The following PDGFA variants were observed in gnomAD, a reference collection of about 807,000 sequenced individuals.
PDGFA encodes the protein platelet-derived growth factor subunit A.
In PDGFA, 9 loss-of-function variants were observed where a neutral mutation model predicts 25.6. That is an observed-to-expected ratio of 0.35 (90% CI 0.21 to 0.61). The LOEUF (loss-of-function observed/expected upper bound fraction) is 0.61. Among genes scored for constraint, PDGFA ranks in the 20% least tolerant of loss-of-function variants. The pLI is 0.75. For missense variants in PDGFA, 242 were observed against 272.8 expected, an observed-to-expected ratio of 0.89 and a Z score of 0.79; for synonymous variants, 133 against 111.8, an observed-to-expected ratio of 1.19 and a Z score of -1.20.
chr7:510,822 T>C, exon 4 of PDGFA: 3 of 1,563,834 alleles, frequency 1.9e-6, no homozygotes, highest in Non-Finnish European at 2.6e-6. Flanking sequence ...GACGCTGCGG[T>C]GGTGGACGCG....
chr7:510,838 G>C, exon 4 of PDGFA: 1 of 1,606,084 alleles, frequency 6.2e-7, no homozygotes, highest in Non-Finnish European at 8.5e-7. Context: ...ACGCGGGAGG[G>C]CTGGCACTTG....
chr7:506,767 C>A (rs1317185669), intron 4 of PDGFA, among the ~76,000 whole-genome samples: 1 of 152,160 alleles, frequency 6.6e-6, no homozygotes, highest in East Asian at 1.9e-4. Context: ...CAGCTAGGGA[C>A]CCCGGCCAGT....
At chr7:505,943 G>A (rs918563966) in intron 4 of PDGFA, among the ~76,000 whole-genome samples, 9 of 152,302 alleles carry the variant, frequency 5.9e-5, no homozygotes, top group African/African-American at 2.2e-4. Context: ...GGAGGTCGAG[G>A]CGGGCAGATC....
At chr7:520,040 C>G (rs576715989), upstream of PDGFA, 236 of 398,340 alleles carry the variant, frequency 5.9e-4, 2 homozygotes, top group African/African-American at 4.9e-3. Context: ...CGCGCTCGCG[C>G]AAGCAGCTAA....
chr7:518,733 C>T (rs1783222834), intron 1 of PDGFA, among the ~76,000 whole-genome samples: 1 of 152,210 alleles, frequency 6.6e-6, no homozygotes, highest in African/African-American at 2.4e-5. Flanking sequence ...CCGGTCCCCC[C>T]GAGGCAGAGC....
Position 517,454 on chromosome 7 carries a change from C to A in PDGFA, c.100G>T (p.Ala34Ser). ...CGGATGCTGTGGATCTGACTGCGGGCCAGCCTCTCGATCACCTCGCGGGGG... is the reference window on the plus strand; with the variant it reads ...CGGATGCTGTGGATCTGACTGCGGGACAGCCTCTCGATCACCTCGCGGGGG... The change falls in exon 2 of 6, where the codon GCC becomes TCC. Residue 34 changes from alanine (A) to serine (S), a missense_variant. Physicochemically the swap from Ala to Ser is moderately conservative, Grantham distance 99 (BLOSUM62 1). This residue lies in a region of PDGFA where 113 missense variants were observed against 98.3 expected (regional missense o/e 1.15). Coordinates refer to ENST00000402802, the Ensembl canonical transcript of PDGFA. This position sits in a 1 kb window ranked among gnomAD's most constrained non-coding sequence, Gnocchi z 7.4. 2 of 1,381,652 alleles carry A rather than the reference C, an allele frequency of 1.4e-6. No individual in the cohort carries two copies. Among genetic ancestry groups the A allele is most frequent in the Non-Finnish European group, 1.9e-6 (2 of 1,052,746 alleles). 85.6% of individuals were successfully genotyped at this position (1,381,652 alleles called of 1,614,324 possible).
In PDGFA at chr7:519,057, C is replaced by A; in HGVS notation, c.-56G>T. 1 of 1,387,406 alleles carries A rather than the reference C, an allele frequency of 7.2e-7. No homozygotes were observed. 85.9% of individuals were successfully genotyped at this position (1,387,406 alleles called of 1,614,324 possible). ...GAGGCGAGGCCGCGGGGCGGGCGCT[C>A]CAGCCGGTCTCCTGTGGCGGCGAAA... On this transcript the variant is annotated 5_prime_UTR_variant, in exon 1 of 6. The change creates a premature stop within an existing upstream ORF in the 5' untranslated region. Transcript: ENST00000402802.
chr7:519,069 C>T (rs1783245155), exon 1 of PDGFA: 1 of 1,280,902 alleles, frequency 7.8e-7, no homozygotes, highest in African/African-American at 1.5e-5. Context: ...AGCCGGTCTC[C>T]TGTGGCGGCG....
chr7:500,281 GGA>G lies in PDGFA; in HGVS notation c.580+833_580+834del. On this transcript the variant is annotated intron_variant, in intron 5 of 5. Coordinates refer to ENST00000402802, the Ensembl canonical transcript of PDGFA. This position sits in a 1 kb window ranked among gnomAD's most constrained non-coding sequence, Gnocchi z 5.0. ...CGAGGCAGGAGCGGACGGGGAGCAA[GGA>G]GACCCAAGCCCAGCAGACACCATCA... 2.4e-6 allele frequency: 2 copies of G among 829,194 alleles called. No individual in the cohort carries two copies. The highest frequency in any genetic ancestry group is 1.7e-5 in the South Asian group (1 of 57,894). 51.4% of individuals were successfully genotyped at this position (829,194 alleles called of 1,614,324 possible). A position where few individuals can be genotyped will look rare whatever the true frequency, so the allele number is the denominator to read the frequency against.
intron 2 of PDGFA, chr7:512,816 G>A (rs1028929310): frequency 1.2e-5 from 5 of 427,316 alleles, no homozygotes; most frequent in African/African-American, 1.0e-4. Context: ...CCCGGGGCAG[G>A]AGGGGCCTGA....
chr7:515,047 A>G (rs990198387), intron 2 of PDGFA, among the ~76,000 whole-genome samples: 1 of 152,236 alleles, frequency 6.6e-6, no homozygotes, highest in African/African-American at 2.4e-5. Flanking sequence ...GCCAAATGCC[A>G]GTCACAAAGC....
At chr7:505,948 C>A (rs2128395580) in intron 4 of PDGFA, among the ~76,000 whole-genome samples, 1 of 152,200 alleles carries the variant, frequency 6.6e-6, no homozygotes, top group East Asian at 1.9e-4. Context: ...TCGAGGCGGG[C>A]AGATCACCTG....
chr7:508,670 T>G (rs1782674743), intron 4 of PDGFA, among the ~76,000 whole-genome samples: 1 of 148,834 alleles, frequency 6.7e-6, no homozygotes, highest in Non-Finnish European at 1.5e-5. Flanking sequence ...CTGTGCCCAC[T>G]GCTCAAACTC....
intron 4 of PDGFA, 78 bp downstream of exon 4, chr7:510,731 G>C: frequency 7.5e-6 from 3 of 397,446 alleles, no homozygotes; most frequent in African/African-American, 4.5e-5. Flanking sequence ...GGGGAGAGGA[G>C]GGGAGGGGAG....
chr7:509,075 G>A (rs1200077108), intron 4 of PDGFA, among the ~76,000 whole-genome samples: 1 of 152,146 alleles, frequency 6.6e-6, no homozygotes, highest in East Asian at 1.9e-4. Context: ...CCTGAAAGCA[G>A]GGAGAAGGGG....
intron 4 of PDGFA, among the ~76,000 whole-genome samples, chr7:502,914 A>C (rs9692418): frequency 0.55 from 82,716 of 151,080 alleles, 22,912 homozygotes; most frequent in Non-Finnish European, 0.58. Context: ...TCCACCCCCC[A>C]CCAGTCATGC....
upstream of PDGFA, chr7:520,587 G>C (rs1783327922): frequency 6.6e-6 from 1 of 152,344 alleles, no homozygotes; most frequent in African/African-American, 2.4e-5. Context: ...CGCGCCCTGA[G>C]CCGGGAAGTC....
chr7:518,023 A>G (rs1783187716), intron 1 of PDGFA, among the ~76,000 whole-genome samples: 1 of 151,568 alleles, frequency 6.6e-6, no homozygotes, highest in African/African-American at 2.4e-5. Context: ...AGACACACAC[A>G]CGCGCACACA....
At chr7:508,209 C>T (rs764826534) in intron 4 of PDGFA, among the ~76,000 whole-genome samples, 3 of 152,010 alleles carry the variant, frequency 2.0e-5, no homozygotes, top group Non-Finnish European at 4.4e-5. Context: ...CAGTGGGGGG[C>T]GGGGGTGTGA....
Sources: allele counts gnomAD v4.1 joint callset (sites outside exome capture counted in the v4.1 genomes callset), GRCh38; gene constraint gnomAD v4.1.1; regional missense constraint gnomAD v4.1.1; non-coding constraint Gnocchi (gnomAD v3.1); transcripts MANE v1.5; gene names NCBI Gene and HGNC (gene_info 2026-07-23, HGNC 2026-07-21).